The following SLC35F3 variants were observed in gnomAD, a reference collection of about 807,000 sequenced individuals.
SLC35F3 encodes the protein putative thiamine transporter SLC35F3.
In SLC35F3, 25 loss-of-function variants were observed where a neutral mutation model predicts 49.9. The ratio of observed to expected loss-of-function variants is 0.50; its 90% CI spans 0.37 to 0.70. The LOEUF (loss-of-function observed/expected upper bound fraction) is 0.70, where lower values mean the gene tolerates loss of function less well. SLC35F3 is among the 30% of genes least tolerant of loss of function. The pLI, the probability that SLC35F3 is intolerant of heterozygous loss-of-function variation, is 0.00. For missense variants in SLC35F3, 525 were observed against 639.8 expected, an observed-to-expected ratio of 0.82 and a Z score of 1.94; for synonymous variants, 275 against 265.4, an observed-to-expected ratio of 1.04 and a Z score of -0.35.
chr1:234,104,641 G>T (rs1665257735), intron 2 of SLC35F3, among the ~76,000 whole-genome samples: 2 of 152,206 alleles, frequency 1.3e-5, no homozygotes, highest in Admixed American at 1.3e-4. Flanking sequence ...AGATATAGTT[G>T]TACCAAGGAT....
chr1:233,906,256 C>A (rs1661774647), intron 2 of SLC35F3, among the ~76,000 whole-genome samples: 1 of 152,116 alleles, frequency 6.6e-6, no homozygotes, highest in African/African-American at 2.4e-5. Context: ...GCCGTTCACG[C>A]CCTTCTCCCC....
At chr1:234,053,839 G>A (rs1331294728) in intron 2 of SLC35F3, among the ~76,000 whole-genome samples, 1 of 152,148 alleles carries the variant, frequency 6.6e-6, no homozygotes, top group Admixed American at 6.5e-5. Flanking sequence ...CAGGCCTGGT[G>A]GTGACAGAAT....
chr1:233,948,872 GC>G (rs374207583), intron 2 of SLC35F3, among the ~76,000 whole-genome samples: 292 of 152,186 alleles, frequency 1.9e-3, no homozygotes, highest in African/African-American at 6.7e-3. Context: ...TGATAGACTT[GC>G]TTGCAACAAT....
At chr1:234,105,756 C>G (rs186155184) in intron 2 of SLC35F3, among the ~76,000 whole-genome samples, 1 of 152,328 alleles carries the variant, frequency 6.6e-6, no homozygotes, top group Admixed American at 6.5e-5. Context: ...TTGATGTTCA[C>G]AAAGCTCAGT....
chr1:234,126,191 C>T (rs1665644672), intron 2 of SLC35F3, among the ~76,000 whole-genome samples: 1 of 152,164 alleles, frequency 6.6e-6, no homozygotes, highest in African/African-American at 2.4e-5. Context: ...CAGATTCACG[C>T]ATCTCTCTCT....
At chr1:234,282,140 C>T (rs1179762063) in intron 3 of SLC35F3, among the ~76,000 whole-genome samples, 1 of 152,206 alleles carries the variant, frequency 6.6e-6, no homozygotes, top group Non-Finnish European at 1.5e-5. Context: ...TAGTCACTCT[C>T]TGCAGGAAAG....
At chr1:234,270,803 A>G (rs1558092990) in intron 3 of SLC35F3, among the ~76,000 whole-genome samples, 1 of 152,228 alleles carries the variant, frequency 6.6e-6, no homozygotes, top group African/African-American at 2.4e-5. Flanking sequence ...AATTGGGATG[A>G]TGCCTGCCTG....
chr1:234,107,381 T>G (rs1346356286), intron 2 of SLC35F3, among the ~76,000 whole-genome samples: 1 of 152,208 alleles, frequency 6.6e-6, no homozygotes, highest in Admixed American at 6.5e-5. Context: ...AGTAATTTAA[T>G]CTACCATTTC....
intron 2 of SLC35F3, among the ~76,000 whole-genome samples, chr1:233,969,064 G>GGA (rs972390484): frequency 6.6e-6 from 1 of 150,608 alleles, no homozygotes; most frequent in Non-Finnish European, 1.5e-5. Flanking sequence ...ATATTTTGGG[G>GGA]GGGGGGACAC....
chr1:234,056,568 T>C (rs1218723364), intron 2 of SLC35F3, among the ~76,000 whole-genome samples: 1 of 152,202 alleles, frequency 6.6e-6, no homozygotes, highest in African/African-American at 2.4e-5. Flanking sequence ...CTACTTTCTG[T>C]CTATAGATGT....
chr1:234,159,765 A>T (rs1264722318), intron 2 of SLC35F3, among the ~76,000 whole-genome samples: 1 of 152,140 alleles, frequency 6.6e-6, no homozygotes, highest in African/African-American at 2.4e-5. Flanking sequence ...GGATTCATCC[A>T]TGCCTTCATT....
intron 3 of SLC35F3, among the ~76,000 whole-genome samples, chr1:234,236,544 G>C (rs1667473053): frequency 6.6e-6 from 1 of 152,150 alleles, no homozygotes; most frequent in Non-Finnish European, 1.5e-5. Flanking sequence ...GCAGACAGTA[G>C]CCTGGATAAA....
At chr1:234,062,193 A>G (rs898659861) in intron 2 of SLC35F3, among the ~76,000 whole-genome samples, 5 of 151,972 alleles carry the variant, frequency 3.3e-5, no homozygotes, top group Non-Finnish European at 7.4e-5. Context: ...AGTGAGGTTT[A>G]TTTTCCTCTT....
At chr1:233,951,088 A>G (rs1662599617) in intron 2 of SLC35F3, among the ~76,000 whole-genome samples, 1 of 151,760 alleles carries the variant, frequency 6.6e-6, no homozygotes, top group Non-Finnish European at 1.5e-5. Flanking sequence ...CATGCTCTAT[A>G]ATATATGATA....
At chr1:234,064,830 G>A (rs1300011462) in intron 2 of SLC35F3, among the ~76,000 whole-genome samples, 2 of 151,734 alleles carry the variant, frequency 1.3e-5, no homozygotes, top group Non-Finnish European at 2.9e-5. Context: ...AGCAACCCAG[G>A]AAAGTAAGGA....
chr1:234,270,901 A>G (rs754394896), intron 3 of SLC35F3, among the ~76,000 whole-genome samples: 1 of 152,218 alleles, frequency 6.6e-6, no homozygotes, highest in Non-Finnish European at 1.5e-5. Context: ...TGTCCTCATC[A>G]TGCTTATAGA....
At chr1:233,999,563 G>A (rs1306990357) in intron 2 of SLC35F3, among the ~76,000 whole-genome samples, 1 of 152,056 alleles carries the variant, frequency 6.6e-6, no homozygotes, top group Non-Finnish European at 1.5e-5. Flanking sequence ...CAGCTTTCCT[G>A]TATTGTGCCT....
chr1:234,132,086 C>A (rs10910356), intron 2 of SLC35F3, among the ~76,000 whole-genome samples: 58,869 of 151,796 alleles, frequency 0.39, 13,312 homozygotes, highest in Middle Eastern at 0.52. Flanking sequence ...TGGAACATCT[C>A]TTAATAGCAA....
intron 2 of SLC35F3, among the ~76,000 whole-genome samples, chr1:234,080,535 T>C (rs1664859661): frequency 6.6e-6 from 1 of 152,214 alleles, no homozygotes; most frequent in Non-Finnish European, 1.5e-5. Flanking sequence ...AATGGAATAT[T>C]ATGCAACCAT....
Sources: allele counts gnomAD v4.1 joint callset (sites outside exome capture counted in the v4.1 genomes callset), GRCh38; gene constraint gnomAD v4.1.1; transcripts MANE v1.5; gene names NCBI Gene and HGNC (gene_info 2026-07-23, HGNC 2026-07-21).